The following LSAMP variants were observed in gnomAD, a reference collection of about 807,000 sequenced individuals.
LSAMP encodes limbic system associated membrane protein.
Under a neutral mutation model 38.6 loss-of-function variants are expected in LSAMP, and 7 were observed. The ratio of observed to expected loss-of-function variants is 0.18; its 90% confidence interval spans 0.10 to 0.34. LSAMP has a LOEUF of 0.34. Ranked by LOEUF, LSAMP falls within the 10% of genes least tolerant of loss-of-function variation. LSAMP has a pLI of 1.00. For missense variants in LSAMP, 313 were observed against 420.0 expected (o/e 0.75, Z 2.23); for synonymous variants, 154 against 166.8 (o/e 0.92, Z 0.59).
At chr3:115,996,126 T>C (rs1939808389) in intron 3 of LSAMP, among the ~76,000 whole-genome samples, 1 of 152,116 alleles carries the variant, frequency 6.6e-6, no homozygotes, top group African/African-American at 2.4e-5. Context: ...GATTCATAAC[T>C]GATTAAAATT....
intron 2 of LSAMP, among the ~76,000 whole-genome samples, chr3:116,057,335 T>C (rs939332101): frequency 6.6e-6 from 1 of 152,212 alleles, no homozygotes; most frequent in Non-Finnish European, 1.5e-5. Flanking sequence ...ATCTGGAAAT[T>C]ATCTTCATGT....
chr3:116,140,248 A>G (rs1709341325), intron 1 of LSAMP, among the ~76,000 whole-genome samples: 1 of 152,138 alleles, frequency 6.6e-6, no homozygotes. Flanking sequence ...AACTTGAAGA[A>G]AAGCCAAGTG....
chr3:116,018,753 CA>C (rs1470194935), intron 3 of LSAMP, among the ~76,000 whole-genome samples: 1 of 151,994 alleles, frequency 6.6e-6, no homozygotes, highest in Non-Finnish European at 1.5e-5. Flanking sequence ...GTTCAAAAAG[CA>C]GGAGGCCTGG....
intron 1 of LSAMP, among the ~76,000 whole-genome samples, chr3:116,201,124 C>G (rs1321455817): frequency 6.6e-6 from 1 of 152,128 alleles, no homozygotes; most frequent in Non-Finnish European, 1.5e-5. Context: ...CGCTCCCAGT[C>G]CCTCCCCGCT....
intron 2 of LSAMP, among the ~76,000 whole-genome samples, chr3:116,042,905 T>C (rs1941206282): frequency 6.6e-6 from 1 of 152,160 alleles, no homozygotes. Flanking sequence ...TTCTAGAAAC[T>C]CCAGGAGTAT....
At chr3:116,102,771 C>T (rs963454524) in intron 1 of LSAMP, among the ~76,000 whole-genome samples, 1 of 151,822 alleles carries the variant, frequency 6.6e-6, no homozygotes, top group African/African-American at 2.4e-5. Context: ...AAAATTTTAT[C>T]TATCTATCTA....
intron 1 of LSAMP, among the ~76,000 whole-genome samples, chr3:116,107,471 C>T (rs13069470): frequency 4.6e-5 from 7 of 152,186 alleles, no homozygotes; most frequent in East Asian, 3.9e-4. Flanking sequence ...CTACAGGGTG[C>T]GGTCCTGGCT....
chr3:116,282,385 C>A (rs11918762), intron 1 of LSAMP, among the ~76,000 whole-genome samples: 35,168 of 152,126 alleles, frequency 0.23, 6,997 homozygotes, highest in African/African-American at 0.54. Flanking sequence ...ACTAGTGGCA[C>A]ATAAATTCTT....
chr3:115,885,359 T>A (rs1486919866), intron 3 of LSAMP, among the ~76,000 whole-genome samples: 3 of 151,938 alleles, frequency 2.0e-5, no homozygotes, highest in Non-Finnish European at 4.4e-5. Flanking sequence ...GTGACAGAGA[T>A]CCAAGGTTCA....
chr3:115,898,598 C>CAT (rs10527269), intron 3 of LSAMP, among the ~76,000 whole-genome samples: 34,471 of 141,420 alleles, frequency 0.24, 4,501 homozygotes, highest in Middle Eastern at 0.34. Flanking sequence ...CATGAAGATG[C>CAT]ATATATATAT....
At chr3:115,972,965 A>G (rs1939066781) in intron 3 of LSAMP, among the ~76,000 whole-genome samples, 1 of 151,762 alleles carries the variant, frequency 6.6e-6, no homozygotes, top group Admixed American at 6.6e-5. Context: ...GAAGAGTGAG[A>G]AGAAAGGACA....
chr3:115,960,033 C>T (rs1938575056), intron 3 of LSAMP, among the ~76,000 whole-genome samples: 1 of 152,014 alleles, frequency 6.6e-6, no homozygotes, highest in African/African-American at 2.4e-5. Context: ...ATCCCTTATA[C>T]CAAACTGAAG....
In LSAMP at chr3:116,385,175, A is replaced by T. The variant is rs115813041; in HGVS notation, c.155+59702T>A. Among the ~76,000 whole-genome samples the T allele has an allele frequency of 2.7e-3, 411 of 152,280 alleles. 1 individual carries two copies. The highest frequency in any genetic ancestry group is 4.3e-3 in the Non-Finnish European group (292 of 68,004). ...CTATGTTTATATGACTCTTTCCCTA[A>T]GAGTCTAAAAAGAGATTGAAATTAG... On this transcript the variant is annotated intron_variant, in intron 1 of 6. Coordinates refer to ENST00000490035, the MANE Select transcript of LSAMP (RefSeq NM_002338.5).
chr3:116,264,125 A>G (rs1203953439), intron 1 of LSAMP, among the ~76,000 whole-genome samples: 2 of 152,208 alleles, frequency 1.3e-5, no homozygotes, highest in African/African-American at 4.8e-5. Context: ...GTTGTCTAGT[A>G]GGTCAGCAGA....
intron 6 of LSAMP, among the ~76,000 whole-genome samples, chr3:115,812,853 G>A (rs1338022352): frequency 6.6e-6 from 1 of 152,132 alleles, no homozygotes; most frequent in Non-Finnish European, 1.5e-5. Flanking sequence ...ATCTTGGGAA[G>A]GTTAAGACTA....
intron 2 of LSAMP, among the ~76,000 whole-genome samples, chr3:116,023,519 G>A (rs1304694646): frequency 1.3e-5 from 2 of 149,894 alleles, no homozygotes; most frequent in African/African-American, 4.9e-5. Flanking sequence ...GCAGCAGAAT[G>A]GCTTGAACCC....
chr3:115,987,018 CTG>C (rs1435116561), intron 3 of LSAMP, among the ~76,000 whole-genome samples: 5 of 152,084 alleles, frequency 3.3e-5, no homozygotes, highest in Admixed American at 3.3e-4. Flanking sequence ...TTTGGTAAGA[CTG>C]TGGAACTGGA....
At position 115,810,260 on chromosome 3, in the gene LSAMP, T is replaced by C; in HGVS notation, c.*57A>G. On this transcript the variant is annotated 3_prime_UTR_variant, in exon 7 of 7. Transcript: ENST00000490035. ...CTCTCTCTCTGTCTCTCTCTCTCTGTATTCTGTGTGACGCATTTTTGTGTG... is the reference window on the plus strand; with the variant it reads ...CTCTCTCTCTGTCTCTCTCTCTCTGCATTCTGTGTGACGCATTTTTGTGTG... 7.5e-6 allele frequency: 9 copies of C among 1,197,674 alleles called. No individual in the cohort carries two copies. The highest frequency in any genetic ancestry group is 1.1e-5 in the Non-Finnish European group (9 of 833,346). The allele number at this position is 1,197,674 out of a possible 1,614,324, so 74.2% of individuals were successfully genotyped here. A position where few individuals can be genotyped will look rare whatever the true frequency, so the allele number is the denominator to read the frequency against.
rs139883727 is a variant in LSAMP, at chr3:116,438,794, G to A, written c.155+6083C>T. The stretch of plus-strand genomic sequence containing the variant: ...TTTATGTTATTTCCATAGACGTTAT[G>A]TAAATCTGATCCATATTAAATAAAG... On this transcript the variant is annotated intron_variant, in intron 1 of 6. Coordinates refer to ENST00000490035, the MANE Select transcript of LSAMP (RefSeq NM_002338.5). Among the ~76,000 whole-genome samples, 749 of 152,264 alleles carry A rather than the reference G, an allele frequency of 4.9e-3. 4 individuals are homozygous for A. Among genetic ancestry groups the A allele is most frequent in the Non-Finnish European group, 7.9e-3 (535 of 68,016 alleles).
Sources: gnomAD v4.1 joint callset for allele counts (sites outside exome capture counted in the v4.1 genomes callset) on GRCh38, gnomAD v4.1.1 for gene constraint, MANE v1.5 for transcripts, NCBI Gene and HGNC (gene_info 2026-07-23, HGNC 2026-07-21) for gene names.